Variants in KIRREL3 observed in about 807,000 individuals in gnomAD.
The protein encoded by KIRREL3 is kin of IRRE-like protein 3.
KIRREL3 carries 36 observed loss-of-function variants against 89.7 expected under a neutral mutation model. The ratio of observed to expected loss-of-function variants is 0.40; its 90% CI spans 0.31 to 0.53. The LOEUF is 0.53. KIRREL3 is among the 20% of genes least tolerant of loss of function. The pLI is 0.49. For synonymous variants in KIRREL3, 445 were observed against 441.4 expected (o/e 1.01, Z -0.10); for missense variants, 864 against 1,056.6 (o/e 0.82, Z 2.53).
At chr11:126,518,051 G>C (rs1958472506) in intron 4 of KIRREL3, among the ~76,000 whole-genome samples, 1 of 152,188 alleles carries the variant, frequency 6.6e-6, no homozygotes, top group Non-Finnish European at 1.5e-5. Flanking sequence ...AAAATCCCCA[G>C]TCTTTGCCTC....
chr11:126,545,159 G>A (rs937262024), intron 2 of KIRREL3, among the ~76,000 whole-genome samples: 2 of 152,106 alleles, frequency 1.3e-5, no homozygotes, highest in South Asian at 4.2e-4. Flanking sequence ...GAACTGGTGG[G>A]GCGGCAGGTT....
At chr11:126,925,469 GA>G (rs1311290352) in intron 1 of KIRREL3, among the ~76,000 whole-genome samples, 2 of 152,170 alleles carry the variant, frequency 1.3e-5, no homozygotes, top group African/African-American at 4.8e-5. Context: ...CAGCTTGGGG[GA>G]TTTACGAACT....
chr11:126,473,614 G>C (rs1016751163), intron 4 of KIRREL3, 148 bp from the exon 5 acceptor site: 3 of 651,452 alleles, frequency 4.6e-6, no homozygotes, highest in African/African-American at 1.8e-5. Context: ...GTAATGATGA[G>C]AGCAGCACCC....
rs999017657 is a variant in KIRREL3 at position 126,555,046 on chromosome 11, A to G, written c.133+7789T>C. On this transcript the variant is annotated intron_variant, in intron 2 of 16. Coordinates refer to ENST00000525144, the MANE Select transcript of KIRREL3 (RefSeq NM_032531.4). The surrounding 1 kb of genome is among the most constrained non-coding windows in gnomAD (Gnocchi z 4.2). Reference sequence around the variant, plus strand: ...CGCCAAGAGCCCCTTCCATCTCCCAATAAAATCCTCCGCATACACTACCCT... The same window carrying G: ...CGCCAAGAGCCCCTTCCATCTCCCAGTAAAATCCTCCGCATACACTACCCT... Among the ~76,000 whole-genome samples the G allele has an allele frequency of 1.3e-5, 2 of 152,126 alleles. No homozygotes were observed. The highest frequency in any genetic ancestry group is 2.4e-5 in the African/African-American group (1 of 41,438).
chr11:126,547,455 G>A (rs565888645), intron 2 of KIRREL3, among the ~76,000 whole-genome samples: 4 of 152,310 alleles, frequency 2.6e-5, no homozygotes, highest in South Asian at 2.1e-4. Flanking sequence ...CTGTGTGTAC[G>A]CGTGATCCCT....
intron 6 of KIRREL3, among the ~76,000 whole-genome samples, chr11:126,458,463 TG>T (rs5795497): frequency 0.55 from 83,844 of 151,924 alleles, 23,417 homozygotes; most frequent in African/African-American, 0.62. Context: ...GGCCTTACTC[TG>T]GAGTTCGGAT....
chr11:126,643,897 A>G lies in KIRREL3; in HGVS notation c.56-80985T>C, dbSNP rs915002618. 1.3e-5 allele frequency among the ~76,000 whole-genome samples: 2 copies of G among 152,304 alleles called. No individual in the cohort carries two copies. Among genetic ancestry groups the G allele is most frequent in the African/African-American group, 4.8e-5 (2 of 41,542 alleles). ...GGGAGAAAGAATTGAAAAGATCATG[A>G]TGTCAACTCTAGCTCGAGAACACAG... On this transcript the variant is annotated intron_variant, in intron 1 of 16. Coordinates refer to ENST00000525144, the MANE Select transcript of KIRREL3 (RefSeq NM_032531.4). The surrounding 1 kb of genome is among the most constrained non-coding windows in gnomAD (Gnocchi z 4.5).
At chr11:126,701,901 G>A (rs1591986160) in intron 1 of KIRREL3, among the ~76,000 whole-genome samples, 3 of 152,136 alleles carry the variant, frequency 2.0e-5, no homozygotes, top group East Asian at 3.8e-4. Flanking sequence ...GGTTCTTTAG[G>A]TGCTAGTCAA....
chr11:126,434,144 C>T lies in KIRREL3; in HGVS notation c.1588+1124G>A, dbSNP rs116615291. 9.6e-3 allele frequency among the ~76,000 whole-genome samples: 1,466 copies of T among 152,326 alleles called. 30 individuals carry two copies. Among genetic ancestry groups the T allele is most frequent in the African/African-American group, 0.032 (1,317 of 41,566 alleles). The stretch of plus-strand genomic sequence containing the variant: ...TGGCTTCCTGAGGTTTGGCCTAGGG[C>T]GATGTGCAGGCCCCTCCTCTCTGCA... On this transcript the variant is annotated intron_variant, in intron 13 of 16. Transcript: ENST00000525144.
chr11:126,680,345 C>T (rs757965935), intron 1 of KIRREL3, among the ~76,000 whole-genome samples: 4 of 151,986 alleles, frequency 2.6e-5, no homozygotes, highest in Non-Finnish European at 4.4e-5. Flanking sequence ...TGCAAGGGAC[C>T]GCGTACTGAT....
In KIRREL3 at chr11:126,817,972, A is replaced by G. The variant is rs1004501891; in HGVS notation, c.55+182483T>C. Among the ~76,000 whole-genome samples, 1 of 152,212 alleles carries G rather than the reference A, an allele frequency of 6.6e-6. No individual in the cohort carries two copies. The highest frequency in any genetic ancestry group is 1.5e-5 in the Non-Finnish European group (1 of 68,042). On this transcript the variant is annotated intron_variant, in intron 1 of 16. Coordinates refer to ENST00000525144, the MANE Select transcript of KIRREL3 (RefSeq NM_032531.4). The surrounding 1 kb of genome is among the most constrained non-coding windows in gnomAD (Gnocchi z 5.7). ...AGGCTTCAGCAGGAGGAGAGGCTCA[A>G]ATGAGCCCAAGCTGATTAAGGAAGT...
In KIRREL3 at chr11:126,624,629, G is replaced by A. The variant is rs1041918418; in HGVS notation, c.56-61717C>T. On this transcript the variant is annotated intron_variant, in intron 1 of 16. Coordinates refer to ENST00000525144, the MANE Select transcript of KIRREL3 (RefSeq NM_032531.4). The surrounding 1 kb of genome is among the most constrained non-coding windows in gnomAD (Gnocchi z 6.0). The stretch of plus-strand genomic sequence containing the variant: ...CAGAGGCAAGCTGCCTAGGCATGTC[G>A]TGTAATTCAGCATTAAGTATCCTAT... 3.9e-5 allele frequency among the ~76,000 whole-genome samples: 6 copies of A among 152,200 alleles called. No homozygotes were observed. Among genetic ancestry groups the A allele is most frequent in the African/African-American group, 1.4e-4 (6 of 41,430 alleles).
chr11:126,487,723 T>C (rs1957403669), intron 4 of KIRREL3, among the ~76,000 whole-genome samples: 2 of 152,250 alleles, frequency 1.3e-5, no homozygotes, highest in Non-Finnish European at 1.5e-5. Flanking sequence ...TGAAATCTCC[T>C]CTGTTCCTCA....
At chr11:126,567,584 G>C (rs1040904751) in intron 1 of KIRREL3, among the ~76,000 whole-genome samples, 8 of 152,216 alleles carry the variant, frequency 5.3e-5, no homozygotes, top group African/African-American at 1.9e-4. Flanking sequence ...CCAGCCCCCA[G>C]AGCACAAAGC....
rs1343279087 is a variant in KIRREL3 at position 126,747,920 on chromosome 11, T to C, written c.56-185008A>G. On this transcript the variant is annotated intron_variant, in intron 1 of 16. Transcript: ENST00000525144. This position sits in a 1 kb window ranked among gnomAD's most constrained non-coding sequence, Gnocchi z 4.7. ...AGACAGGCGTTGCGGTCTTTCCCTA[T>C]CCCACAGGGTCTAGATGCGGCCTTC... Among the ~76,000 whole-genome samples the C allele has an allele frequency of 6.6e-6, 1 of 152,106 alleles. No homozygotes were observed. The highest frequency in any genetic ancestry group is 1.5e-5 in the Non-Finnish European group (1 of 68,016).
chr11:126,770,835 T>A (rs1198532148), intron 1 of KIRREL3, among the ~76,000 whole-genome samples: 1 of 152,134 alleles, frequency 6.6e-6, no homozygotes, highest in African/African-American at 2.4e-5. Context: ...AAGGAGCATT[T>A]ACTTATTTAT....
intron 1 of KIRREL3, among the ~76,000 whole-genome samples, chr11:126,911,908 G>A (rs1181927565): frequency 8.6e-5 from 13 of 151,188 alleles, no homozygotes; most frequent in Non-Finnish European, 1.5e-4. Context: ...GGGTGAACCC[G>A]GGAGGCAGAG....
intron 7 of KIRREL3, among the ~76,000 whole-genome samples, chr11:126,450,511 G>A (rs1265455447): frequency 6.6e-6 from 1 of 151,528 alleles, no homozygotes; most frequent in Non-Finnish European, 1.5e-5. Flanking sequence ...GTGTGCATGT[G>A]TGTGTGTGCA....
intron 1 of KIRREL3, among the ~76,000 whole-genome samples, chr11:126,727,735 T>G (rs1253970431): frequency 6.6e-6 from 1 of 152,192 alleles, no homozygotes; most frequent in Non-Finnish European, 1.5e-5. Context: ...CTTAGCTCCA[T>G]CCATTTTCAC....
Sources: gnomAD v4.1 joint callset for allele counts (sites outside exome capture counted in the v4.1 genomes callset) on GRCh38, gnomAD v4.1.1 for gene constraint, Gnocchi (gnomAD v3.1) non-coding constraint, MANE v1.5 for transcripts, NCBI Gene and HGNC (gene_info 2026-07-23, HGNC 2026-07-21) for gene names.